Variants in AKAP9 observed in about 807,000 individuals in gnomAD.
AKAP9 encodes the protein A-kinase anchor protein 9.
AKAP9 carries 311 observed loss-of-function variants against 488.5 expected under a neutral mutation model. The observed-to-expected ratio is 0.64, with a 90% CI of 0.58 to 0.70. The LOEUF is 0.70. Ranked by LOEUF, AKAP9 falls within the 30% of genes least tolerant of loss-of-function variation. The pLI, the probability that AKAP9 is intolerant of heterozygous loss-of-function variation, is 0.00. For synonymous variants in AKAP9, 1,462 were observed against 1,483.5 expected (o/e 0.99, Z 0.33); for missense variants, 4,215 against 4,374.5 (o/e 0.96, Z 1.03).
chr7:91,942,397 G>A (rs1164350289), intron 1 of AKAP9, among the ~76,000 whole-genome samples: 1 of 152,212 alleles, frequency 6.6e-6, no homozygotes, highest in African/African-American at 2.4e-5. Context: ...TTAAATGCTT[G>A]TATATAGCCA....
At chr7:92,022,589 G>C (rs1802473545) in intron 13 of AKAP9, among the ~76,000 whole-genome samples, 1 of 152,000 alleles carries the variant, frequency 6.6e-6, no homozygotes, top group Non-Finnish European at 1.5e-5. Flanking sequence ...ATAAAATTTT[G>C]GATTTAGGAG....
chr7:91,997,054 G>A (rs1445488245), intron 7 of AKAP9, among the ~76,000 whole-genome samples: 1 of 152,158 alleles, frequency 6.6e-6, no homozygotes, highest in African/African-American at 2.4e-5. Flanking sequence ...TAAGTTGTCT[G>A]ACTCCAGAGA....
intron 28 of AKAP9, among the ~76,000 whole-genome samples, chr7:92,074,377 G>T (rs1160361956): frequency 6.6e-6 from 1 of 152,200 alleles, no homozygotes; most frequent in Non-Finnish European, 1.5e-5. Context: ...TGCTGGAGAG[G>T]ATGTGGAGAA....
intron 9 of AKAP9, among the ~76,000 whole-genome samples, chr7:92,013,902 G>T (rs1801144652): frequency 6.6e-6 from 1 of 150,812 alleles, no homozygotes; most frequent in Non-Finnish European, 1.5e-5. Flanking sequence ...AAGTAGAACA[G>T]AAGACATTGG....
intron 26 of AKAP9, 61 bp downstream of exon 26, chr7:92,066,607 G>A: frequency 6.3e-7 from 1 of 1,587,292 alleles, no homozygotes; most frequent in African/African-American, 1.3e-5. Flanking sequence ...AAAATAAGAT[G>A]CATATCATTA....
intron 1 of AKAP9, among the ~76,000 whole-genome samples, chr7:91,949,072 G>T (rs930354169): frequency 6.6e-6 from 1 of 152,048 alleles, no homozygotes. Flanking sequence ...CTTCTTTAGA[G>T]AAATGTCTAT....
intron 16 of AKAP9, 52 bp downstream of exon 16, chr7:92,031,656 C>A: frequency 7.4e-7 from 1 of 1,353,450 alleles, no homozygotes; most frequent in Non-Finnish European, 1.1e-6. Context: ...TCCCTTTGAG[C>A]CTTCAAAAAG....
chr7:91,978,241 C>CAA lies in AKAP9; in HGVS notation c.307-2029_307-2028dup, dbSNP rs11295179. Reference sequence around the variant, plus strand: ...TGGGCAACAGAGTGAGACTCTGTCTCAAAAAAAAAAAAAAAAAAAAGAGAA... The same window carrying CAA: ...TGGGCAACAGAGTGAGACTCTGTCTCAAAAAAAAAAAAAAAAAAAAAAGAGAA... On this transcript the variant is annotated intron_variant, in intron 2 of 49. Coordinates refer to ENST00000356239, the MANE Select transcript of AKAP9 (RefSeq NM_005751.5). Among the ~76,000 whole-genome samples the CAA allele has an allele frequency of 4.4e-3, 394 of 88,590 alleles. 3 individuals carry two copies. The highest frequency in any genetic ancestry group is 0.014 in the African/African-American group (360 of 24,934). The allele number at this position is 88,590 out of a possible 152,430, so 58.1% of individuals were successfully genotyped here. A position where few individuals can be genotyped will look rare whatever the true frequency, so the allele number is the denominator to read the frequency against.
intron 3 of AKAP9, among the ~76,000 whole-genome samples, chr7:91,980,991 GA>G (rs1340486669): frequency 1.3e-5 from 2 of 150,376 alleles, no homozygotes; most frequent in South Asian, 2.1e-4. Context: ...TTTCTAATAG[GA>G]AAAAAAAACT....
chr7:92,045,014 A>C lies in AKAP9; in HGVS notation c.5169A>C (p.Ala1723=), dbSNP rs1806731517. The C allele has an allele frequency of 1.2e-6, 2 of 1,609,204 alleles. No individual in the cohort carries two copies. Among genetic ancestry groups the C allele is most frequent in the Non-Finnish European group, 8.5e-7 (1 of 1,175,636 alleles). The change falls in exon 21 of 50, where the codon GCA becomes GCC. Residue 1723 remains alanine (A), a synonymous_variant. Transcript: ENST00000356239. ...PPEILSNERY[A]LQKANNRLLK... is the part of the protein sequence containing the mutation. ...TGCTTCTTTATCTATACAGGTATGC[A>C]CTCCAGAAAGCTAATAATAGACTTT...
At chr7:92,087,533 C>T (rs1383177905) in intron 37 of AKAP9, among the ~76,000 whole-genome samples, 1 of 152,036 alleles carries the variant, frequency 6.6e-6, no homozygotes, top group East Asian at 1.9e-4. Context: ...AGACCTATTA[C>T]TAGTAACAGA....
chr7:91,941,358 C>T (rs1313850949), intron 1 of AKAP9, among the ~76,000 whole-genome samples: 1 of 152,222 alleles, frequency 6.6e-6, no homozygotes, highest in Non-Finnish European at 1.5e-5. Flanking sequence ...GATAATACTT[C>T]CGCGAGGATT....
At chr7:92,094,976 C>T (rs750916298) in intron 39 of AKAP9, 47 bp from the exon 40 acceptor site, 2 of 1,587,434 alleles carry the variant, frequency 1.3e-6, no homozygotes, top group South Asian at 1.1e-5. Flanking sequence ...TCATTATATG[C>T]TTCGTCAACA....
chr7:92,052,865 C>T lies in AKAP9; in HGVS notation c.5508C>T (p.Asp1836=), dbSNP rs1808218789. Residue 1836 remains aspartate, a synonymous_variant, in exon 22 of 50, where the codon GAC becomes GAT. Transcript: ENST00000356239. ...GTGGTTTTGCTGGAACTGAAATAGACCCTGAAAATGAAGAACTTATGCTGA... is the reference window on the plus strand; with the variant it reads ...GTGGTTTTGCTGGAACTGAAATAGATCCTGAAAATGAAGAACTTATGCTGA... ...VRSGFAGTEI[D]PENEELMLNI... 1 of 1,613,732 alleles carries T rather than the reference C, an allele frequency of 6.2e-7. No homozygotes were observed. Among genetic ancestry groups the T allele is most frequent in the Admixed American group, 1.7e-5 (1 of 59,978 alleles).
chr7:92,008,680 T>C (rs1800271837), intron 8 of AKAP9, among the ~76,000 whole-genome samples: 2 of 137,754 alleles, frequency 1.5e-5, no homozygotes, highest in African/African-American at 5.6e-5. Flanking sequence ...AAAGTGAGAC[T>C]CTATCTCAAA....
At chr7:91,984,395 G>A (rs553522641) in intron 3 of AKAP9, among the ~76,000 whole-genome samples, 2 of 152,200 alleles carry the variant, frequency 1.3e-5, no homozygotes, top group South Asian at 2.1e-4. Context: ...GAATCCTTTC[G>A]CCATTTCTTG....
chr7:91,942,195 C>G (rs1790846493), intron 1 of AKAP9, among the ~76,000 whole-genome samples: 1 of 152,090 alleles, frequency 6.6e-6, no homozygotes, highest in East Asian at 1.9e-4. Flanking sequence ...TTCCTCTCTT[C>G]CTTTCTCTTC....
rs79780789 is a variant in AKAP9, at chr7:92,000,209, A to G, written c.931-639A>G. Among the ~76,000 whole-genome samples, 1,481 of 152,304 alleles carry G rather than the reference A, an allele frequency of 9.7e-3. 33 individuals are homozygous for G. Among genetic ancestry groups the G allele is most frequent in the African/African-American group, 0.034 (1,411 of 41,546 alleles). On this transcript the variant is annotated intron_variant, in intron 7 of 49. Transcript: ENST00000356239. ...TGCTTTGAAAATTCTGTTTAAACCA[A>G]AAGTCCTAGGACCAAGTTGTTATGC...
chr7:92,018,394 TAA>T (rs1801817654), intron 12 of AKAP9, among the ~76,000 whole-genome samples: 1 of 83,982 alleles, frequency 1.2e-5, no homozygotes, highest in Admixed American at 1.5e-4. Flanking sequence ...TCTAAAAATA[TAA>T]CACACACACA....
Sources: gnomAD v4.1 joint callset for allele counts (sites outside exome capture counted in the v4.1 genomes callset) on GRCh38, gnomAD v4.1.1 for gene constraint, MANE v1.5 for transcripts, NCBI Gene and HGNC (gene_info 2026-07-23, HGNC 2026-07-21) for gene names.